Variants in LRRC8D observed in about 807,000 individuals in gnomAD.
LRRC8D encodes leucine rich repeat containing 8 VRAC subunit D.
In LRRC8D, 20 loss-of-function variants were observed where a neutral mutation model predicts 55.8. That is an observed-to-expected ratio of 0.36 (90% CI 0.25 to 0.52). The LOEUF (loss-of-function observed/expected upper bound fraction) is 0.52. LRRC8D is among the 20% of genes least tolerant of loss of function. The probability of loss-of-function intolerance (pLI) is 0.93; values close to 1 mark genes in which losing one functional copy is unlikely to be tolerated. For synonymous variants in LRRC8D, 352 were observed against 377.0 expected, an observed-to-expected ratio of 0.93 and a Z score of 0.77; for missense variants, 651 against 1,030.8, an observed-to-expected ratio of 0.63 and a Z score of 5.05.
chr1:89,827,070 G>A (rs986264524), intron 1 of LRRC8D, among the ~76,000 whole-genome samples: 1 of 152,162 alleles, frequency 6.6e-6, no homozygotes, highest in African/African-American at 2.4e-5. Flanking sequence ...AGATTTTGGG[G>A]CTGGGCATGG....
At chr1:89,826,053 C>T (rs902115526) in intron 1 of LRRC8D, among the ~76,000 whole-genome samples, 2 of 152,112 alleles carry the variant, frequency 1.3e-5, no homozygotes. Flanking sequence ...CTCTTTATAT[C>T]CTCTGGAGAT....
intron 2 of LRRC8D, among the ~76,000 whole-genome samples, chr1:89,860,722 C>T (rs962427721): frequency 2.4e-5 from 3 of 124,882 alleles, no homozygotes; most frequent in African/African-American, 9.4e-5. Context: ...CACGCCACTG[C>T]ACTCCAGCCT....
Position 89,935,567 on chromosome 1 carries a change from C to T in LRRC8D, c.2499C>T (p.His833=). 1 of 1,614,116 alleles carries T rather than the reference C, an allele frequency of 6.2e-7. No individual in the cohort carries two copies. The highest frequency in any genetic ancestry group is 1.1e-5 in the South Asian group (1 of 91,088). ...LKKSGLVVED[H]LFDTLPLEVK... ...AAAGCGGGCTTGTTGTGGAAGATCA[C>T]CTTTTTGATACCCTGCCACTCGAAG... Residue 833 remains histidine, a synonymous_variant, in exon 3 of 3, where the codon CAC becomes CAT. Transcript: ENST00000337338.
intron 2 of LRRC8D, among the ~76,000 whole-genome samples, chr1:89,897,723 GA>G (rs1303317728): frequency 1.3e-5 from 2 of 150,584 alleles, no homozygotes; most frequent in East Asian, 1.9e-4. Flanking sequence ...TTAATAACCT[GA>G]AAAAAAAACT....
At chr1:89,923,174 T>G (rs1257678225) in intron 2 of LRRC8D, among the ~76,000 whole-genome samples, 1 of 152,246 alleles carries the variant, frequency 6.6e-6, no homozygotes, top group Non-Finnish European at 1.5e-5. Context: ...ACAGGAATGT[T>G]AAGCTGATTT....
At chr1:89,861,251 C>T (rs1055638599) in intron 2 of LRRC8D, among the ~76,000 whole-genome samples, 7 of 152,162 alleles carry the variant, frequency 4.6e-5, no homozygotes, top group Non-Finnish European at 1.5e-5. Context: ...AACTGTGTGA[C>T]CCTAGGAAAG....
At chr1:89,920,208 T>G (rs1663375065) in intron 2 of LRRC8D, among the ~76,000 whole-genome samples, 1 of 152,250 alleles carries the variant, frequency 6.6e-6, no homozygotes, top group Non-Finnish European at 1.5e-5. Context: ...TATTTAGAGT[T>G]ATGTTCCTTA....
intron 2 of LRRC8D, among the ~76,000 whole-genome samples, chr1:89,917,955 A>G (rs1339407575): frequency 2.6e-5 from 4 of 152,120 alleles, no homozygotes; most frequent in Non-Finnish European, 2.9e-5. Context: ...CCCCTACACT[A>G]TGCACTGTGT....
chr1:89,909,408 T>C (rs949108517), intron 2 of LRRC8D, among the ~76,000 whole-genome samples: 2 of 152,124 alleles, frequency 1.3e-5, no homozygotes, highest in African/African-American at 4.8e-5. Flanking sequence ...AGTTTGATTA[T>C]GTAGCCCCTG....
At chr1:89,867,065 A>G (rs1418897783) in intron 2 of LRRC8D, among the ~76,000 whole-genome samples, 1 of 152,160 alleles carries the variant, frequency 6.6e-6, no homozygotes, top group Non-Finnish European at 1.5e-5. Context: ...GTATAATCCA[A>G]CAGTGTTTGT....
At chr1:89,921,195 C>G (rs796717458) in intron 2 of LRRC8D, among the ~76,000 whole-genome samples, 68 of 152,164 alleles carry the variant, frequency 4.5e-4, no homozygotes, top group African/African-American at 1.6e-3. Context: ...GAAACCCTGT[C>G]CCTACAAAAA....
At chr1:89,854,421 A>G (rs957335762) in intron 2 of LRRC8D, among the ~76,000 whole-genome samples, 1 of 151,908 alleles carries the variant, frequency 6.6e-6, no homozygotes, top group Non-Finnish European at 1.5e-5. Flanking sequence ...TAATATGAAT[A>G]GCATGAATGA....
intron 2 of LRRC8D, among the ~76,000 whole-genome samples, chr1:89,893,188 G>A (rs1165428751): frequency 6.6e-6 from 1 of 152,184 alleles, no homozygotes; most frequent in East Asian, 1.9e-4. Context: ...ATGAAGAGGT[G>A]CCAGCTGAGC....
At chr1:89,931,897 A>T (rs1663713143) in intron 2 of LRRC8D, among the ~76,000 whole-genome samples, 1 of 152,194 alleles carries the variant, frequency 6.6e-6, no homozygotes, top group Non-Finnish European at 1.5e-5. Context: ...AAGAAATAAC[A>T]TGATTTCTTT....
intron 1 of LRRC8D, among the ~76,000 whole-genome samples, chr1:89,826,720 G>A (rs891710673): frequency 6.6e-6 from 1 of 152,148 alleles, no homozygotes; most frequent in Non-Finnish European, 1.5e-5. Flanking sequence ...TAAACAGTGG[G>A]GTCCCTCGGG....
At chr1:89,894,103 G>C (rs1662646649) in intron 2 of LRRC8D, among the ~76,000 whole-genome samples, 1 of 152,230 alleles carries the variant, frequency 6.6e-6, no homozygotes, top group Admixed American at 6.5e-5. Context: ...GATTCATGCT[G>C]TTATAAAAGG....
chr1:89,915,208 C>T (rs1297360911), intron 2 of LRRC8D, among the ~76,000 whole-genome samples: 1 of 152,088 alleles, frequency 6.6e-6, no homozygotes, highest in African/African-American at 2.4e-5. Context: ...ATCCTAAATA[C>T]CTAACAGAGT....
intron 2 of LRRC8D, among the ~76,000 whole-genome samples, chr1:89,865,330 T>TTATATATATATA (rs34852331): frequency 1.4e-5 from 2 of 139,286 alleles, no homozygotes; most frequent in African/African-American, 2.6e-5. Flanking sequence ...AAACATGAAA[T>TTATATATATATA]TATATATATA....
chr1:89,897,936 C>G (rs1480052105), intron 2 of LRRC8D, among the ~76,000 whole-genome samples: 1 of 152,062 alleles, frequency 6.6e-6, no homozygotes, highest in Non-Finnish European at 1.5e-5. Flanking sequence ...AGGGAAGGAG[C>G]AGCATGGTCA....
Sources: gnomAD v4.1 joint callset for allele counts (sites outside exome capture counted in the v4.1 genomes callset) on GRCh38, gnomAD v4.1.1 for gene constraint, MANE v1.5 for transcripts, NCBI Gene and HGNC (gene_info 2026-07-23, HGNC 2026-07-21) for gene names.